NAALADL2: variants seen among roughly 807,000 people sequenced by gnomAD.
The protein encoded by NAALADL2 is inactive N-acetylated-alpha-linked acidic dipeptidase-like protein 2.
A neutral mutation model predicts 87.2 loss-of-function variants in NAALADL2; 76 were observed. The ratio of observed to expected loss-of-function variants is 0.87; its 90% CI spans 0.72 to 1.05. NAALADL2 has a LOEUF of 1.05. Ranked by LOEUF, NAALADL2 falls within the 50% of genes least tolerant of loss-of-function variation. The pLI is 0.00. For missense variants in NAALADL2, 1,089 were observed against 945.8 expected (o/e 1.15, Z -1.99); for synonymous variants, 354 against 331.0 (o/e 1.07, Z -0.75).
chr3:175,046,830 G>T (rs574199660), intron 1 of NAALADL2, among the ~76,000 whole-genome samples: 2 of 152,218 alleles, frequency 1.3e-5, no homozygotes, highest in East Asian at 3.9e-4. Flanking sequence ...TGCAAACGTA[G>T]TGAAAGCCAG....
chr3:175,753,325 A>G (rs1233478143), intron 12 of NAALADL2, among the ~76,000 whole-genome samples: 1 of 152,156 alleles, frequency 6.6e-6, no homozygotes, highest in Non-Finnish European at 1.5e-5. Context: ...AATCCTACCT[A>G]TGAATCTCTT....
chr3:174,620,121 C>T (rs1481451522), intron 2 of NAALADL2, among the ~76,000 whole-genome samples: 1 of 151,986 alleles, frequency 6.6e-6, no homozygotes, highest in African/African-American at 2.4e-5. Flanking sequence ...ATGTTAATCT[C>T]CTTGGTCATT....
At chr3:175,041,439 C>T (rs995207990) in intron 1 of NAALADL2, among the ~76,000 whole-genome samples, 3 of 152,098 alleles carry the variant, frequency 2.0e-5, no homozygotes, top group Non-Finnish European at 4.4e-5. Context: ...ATAAACTATA[C>T]AAAGCTAGGA....
intron 9 of NAALADL2, among the ~76,000 whole-genome samples, chr3:175,510,095 C>A (rs553713080): frequency 6.7e-6 from 1 of 149,388 alleles, no homozygotes; most frequent in African/African-American, 2.5e-5. Flanking sequence ...TGAGAATATG[C>A]GGTGTTTGGT....
intron 2 of NAALADL2, among the ~76,000 whole-genome samples, chr3:174,574,443 T>A (rs888911609): frequency 7.2e-5 from 11 of 152,258 alleles, no homozygotes; most frequent in African/African-American, 2.4e-4. Context: ...TATTTTTCCC[T>A]AAGTATAATA....
chr3:175,113,415 A>T (rs1274549922), intron 2 of NAALADL2, among the ~76,000 whole-genome samples: 1 of 151,572 alleles, frequency 6.6e-6, no homozygotes, highest in Non-Finnish European at 1.5e-5. Flanking sequence ...TCTCCTGCCC[A>T]ATTTTGATTA....
chr3:175,752,945 C>G (rs1746792690), intron 12 of NAALADL2, among the ~76,000 whole-genome samples: 1 of 152,052 alleles, frequency 6.6e-6, no homozygotes, highest in Non-Finnish European at 1.5e-5. Context: ...GAGATATTCC[C>G]TTGAAGTTAT....
intron 3 of NAALADL2, among the ~76,000 whole-genome samples, chr3:174,782,006 T>C (rs2109152200): frequency 6.6e-6 from 1 of 152,288 alleles, no homozygotes; most frequent in African/African-American, 2.4e-5. Flanking sequence ...ATCATGTTTC[T>C]TTTTCTAGCA....
At chr3:175,527,758 C>T (rs1427554977) in intron 9 of NAALADL2, among the ~76,000 whole-genome samples, 4 of 152,128 alleles carry the variant, frequency 2.6e-5, no homozygotes, top group Non-Finnish European at 5.9e-5. Context: ...TTATATTATG[C>T]TTCTAATAGA....
At chr3:175,379,875 G>A (rs962909832) in intron 5 of NAALADL2, among the ~76,000 whole-genome samples, 12 of 152,160 alleles carry the variant, frequency 7.9e-5, no homozygotes, top group Non-Finnish European at 4.4e-5. Context: ...AGAGGGATTG[G>A]TGGAAGGTTG....
chr3:174,792,603 A>G (rs1677714148), intron 3 of NAALADL2, among the ~76,000 whole-genome samples: 1 of 152,132 alleles, frequency 6.6e-6, no homozygotes, highest in Admixed American at 6.6e-5. Context: ...TGGTATGGCA[A>G]TTCTCTTGCC....
chr3:174,478,492 CAGATTT>C (rs1352018956), intron 1 of NAALADL2, among the ~76,000 whole-genome samples: 9 of 151,816 alleles, frequency 5.9e-5, no homozygotes, highest in Admixed American at 5.3e-4. Context: ...TATTAGAAAT[CAGATTT>C]AATTTTGGAA....
intron 1 of NAALADL2, among the ~76,000 whole-genome samples, chr3:174,445,888 T>G (rs1451785660): frequency 6.6e-6 from 1 of 152,178 alleles, no homozygotes; most frequent in Non-Finnish European, 1.5e-5. Context: ...TTGTGCCTAA[T>G]TTTTTGTTTG....
intron 1 of NAALADL2, among the ~76,000 whole-genome samples, chr3:174,953,794 C>G (rs1393987464): frequency 6.6e-6 from 1 of 152,022 alleles, no homozygotes; most frequent in Non-Finnish European, 1.5e-5. Context: ...AGGTGCGTGA[C>G]TACTCCATAT....
intron 3 of NAALADL2, among the ~76,000 whole-genome samples, chr3:174,821,382 T>A (rs1360587810): frequency 6.6e-6 from 1 of 152,216 alleles, no homozygotes; most frequent in African/African-American, 2.4e-5. Context: ...TGGCATATAG[T>A]AGATGATCTG....
chr3:175,188,190 C>T (rs1296166690), intron 2 of NAALADL2, among the ~76,000 whole-genome samples: 4 of 152,032 alleles, frequency 2.6e-5, no homozygotes, highest in African/African-American at 9.7e-5. Flanking sequence ...ACCTGTAATA[C>T]CTGGCAGCAG....
chr3:175,455,841 T>C (rs1358008026), intron 6 of NAALADL2, among the ~76,000 whole-genome samples: 1 of 151,958 alleles, frequency 6.6e-6, no homozygotes, highest in African/African-American at 2.4e-5. Flanking sequence ...TCAGGAAAAT[T>C]AAGAAAATGA....
chr3:175,672,969 TTA>T (rs1179513101), intron 11 of NAALADL2, among the ~76,000 whole-genome samples: 1 of 151,270 alleles, frequency 6.6e-6, no homozygotes, highest in Non-Finnish European at 1.5e-5. Flanking sequence ...ATGTCCTCAG[TTA>T]TATGTTATAT....
chr3:174,915,945 G>A (rs1055446592), intron 1 of NAALADL2, among the ~76,000 whole-genome samples: 3 of 152,126 alleles, frequency 2.0e-5, no homozygotes, highest in Admixed American at 1.3e-4. Context: ...GGCAACCCAC[G>A]TGTTGGAAGG....
Sources: allele counts gnomAD v4.1 joint callset (sites outside exome capture counted in the v4.1 genomes callset), GRCh38; gene constraint gnomAD v4.1.1; transcripts MANE v1.5; gene names NCBI Gene and HGNC (gene_info 2026-07-23, HGNC 2026-07-21).